The following PRPF38A variants were observed in gnomAD, a reference collection of about 807,000 sequenced individuals.
PRPF38A encodes pre-mRNA-splicing factor 38A.
In PRPF38A, 11 loss-of-function variants were observed where a neutral mutation model predicts 46.8. The ratio of observed to expected loss-of-function variants is 0.24; its 90% CI spans 0.15 to 0.39. PRPF38A has a LOEUF of 0.39. PRPF38A is among the 10% of genes least tolerant of loss of function. The pLI, the probability that PRPF38A is intolerant of heterozygous loss-of-function variation, is 1.00. For missense variants in PRPF38A, 261 were observed against 407.5 expected (o/e 0.64, Z 3.10); for synonymous variants, 124 against 136.2 (o/e 0.91, Z 0.62).
At chr1:52,415,161 A>G (rs1473702218) in intron 8 of PRPF38A, among the ~76,000 whole-genome samples, 177 bp from the exon 9 acceptor site, 4 of 152,236 alleles carry the variant, frequency 2.6e-5, no homozygotes, top group South Asian at 4.1e-4. Context: ...AACTGGTTTC[A>G]TTACTACTTT....
At position 52,417,957 on chromosome 1, in the gene PRPF38A, C is replaced by T. The variant is rs1236792337; in HGVS notation, c.*1267C>T. 1.3e-5 allele frequency: 2 copies of T among 152,552 alleles called. No homozygotes were observed. Among genetic ancestry groups the T allele is most frequent in the African/African-American group, 4.8e-5 (2 of 41,404 alleles). 9.4% of individuals were successfully genotyped at this position (152,552 alleles called of 1,614,324 possible). A position where few individuals can be genotyped will look rare whatever the true frequency, so the allele number is the denominator to read the frequency against. On this transcript the variant is annotated 3_prime_UTR_variant, in exon 10 of 10. Coordinates refer to ENST00000257181, the MANE Select transcript of PRPF38A (RefSeq NM_032864.4). ...AATCAAGAGATTATTAAGATCTTTG[C>T]TAGAAGAGTTCCTTTACCTGTACTT... is the stretch of plus-strand genomic sequence containing the variant.
Position 52,418,471 on chromosome 1 carries a change from A to G in PRPF38A, c.*1781A>G, listed in dbSNP as rs978583537. On this transcript the variant is annotated 3_prime_UTR_variant, in exon 10 of 10. Coordinates refer to ENST00000257181, the MANE Select transcript of PRPF38A (RefSeq NM_032864.4). ...TTTGTCTTAAAATATGTTTTAAAGT[A>G]AAAATAAACCCACGCACAAAGCCCA... 6 of 152,222 alleles carry G rather than the reference A, an allele frequency of 3.9e-5. No homozygotes were observed. Among genetic ancestry groups the G allele is most frequent in the African/African-American group, 1.4e-4 (6 of 41,452 alleles). The allele number at this position is 152,222 out of a possible 1,614,324, so 9.4% of individuals were successfully genotyped here. A position where few individuals can be genotyped will look rare whatever the true frequency, so the allele number is the denominator to read the frequency against.
At chr1:52,412,006 C>T (rs532265541) in intron 4 of PRPF38A, among the ~76,000 whole-genome samples, 6 of 152,288 alleles carry the variant, frequency 3.9e-5, no homozygotes, top group African/African-American at 1.4e-4. Flanking sequence ...TTTTTGAAAT[C>T]AGCTTTGCCT....
At chr1:52,407,945 A>G (rs550980138) in intron 2 of PRPF38A, among the ~76,000 whole-genome samples, 2 of 152,366 alleles carry the variant, frequency 1.3e-5, no homozygotes, top group Non-Finnish European at 2.9e-5. Context: ...AATCCCAGCT[A>G]CTTGGGAGGC....
chr1:52,408,936 C>T (rs1366510733), intron 3 of PRPF38A: 1 of 364,958 alleles, frequency 2.7e-6, no homozygotes, highest in Admixed American at 4.2e-5. Flanking sequence ...TAATCCCTGC[C>T]TTGCATCATA....
At chr1:52,406,763 A>G (rs916865581) in intron 2 of PRPF38A, among the ~76,000 whole-genome samples, 1 of 152,214 alleles carries the variant, frequency 6.6e-6, no homozygotes, top group African/African-American at 2.4e-5. Flanking sequence ...GGCTTTGCAT[A>G]TAATAATTCA....
intron 2 of PRPF38A, chr1:52,408,250 A>G: frequency 2.4e-6 from 1 of 409,938 alleles, no homozygotes; most frequent in South Asian, 1.9e-5. Flanking sequence ...AAAAAATAAA[A>G]TAAAATTCAG....
rs1648341754 is a variant in PRPF38A, at chr1:52,418,100, A to G, written c.*1410A>G. On this transcript the variant is annotated 3_prime_UTR_variant, in exon 10 of 10. Transcript: ENST00000257181. ...TTTTCTTGGGAGGTTGTATCTGGTC[A>G]TAAGGTAAACATTCTATATATTCTA... 1 of 152,668 alleles carries G rather than the reference A, an allele frequency of 6.6e-6. No homozygotes were observed. Among genetic ancestry groups the G allele is most frequent in the Admixed American group, 6.5e-5 (1 of 15,286 alleles). The allele number at this position is 152,668 out of a possible 1,614,324, so 9.5% of individuals were successfully genotyped here. A position where few individuals can be genotyped will look rare whatever the true frequency, so the allele number is the denominator to read the frequency against.
At chr1:52,405,229 G>A (rs757363031) in intron 1 of PRPF38A, among the ~76,000 whole-genome samples, 1 of 152,188 alleles carries the variant, frequency 6.6e-6, no homozygotes, top group Non-Finnish European at 1.5e-5. Context: ...TAATATGCCT[G>A]AAACCAAATT....
intron 8 of PRPF38A, 124 bp downstream of exon 8, chr1:52,414,983 A>T (rs1648250512): frequency 4.8e-6 from 4 of 841,142 alleles, no homozygotes; most frequent in Non-Finnish European, 7.5e-6. Flanking sequence ...TGGACATAGA[A>T]TTTGAAAATT....
chr1:52,414,581 T>C (rs377164758), intron 6 of PRPF38A, 40 bp from the exon 7 acceptor site: 39 of 1,611,214 alleles, frequency 2.4e-5, no homozygotes, highest in Admixed American at 3.3e-5. Context: ...CCACATCCAG[T>C]GCGCCAACCT....
chr1:52,406,931 C>T (rs749060755), intron 2 of PRPF38A, among the ~76,000 whole-genome samples: 2 of 152,302 alleles, frequency 1.3e-5, no homozygotes, highest in South Asian at 2.1e-4. Context: ...TTCTGCTTCT[C>T]GTACAAAGAA....
At chr1:52,407,328 A>G (rs148568899) in intron 2 of PRPF38A, among the ~76,000 whole-genome samples, 2 of 152,240 alleles carry the variant, frequency 1.3e-5, no homozygotes, top group African/African-American at 4.8e-5. Flanking sequence ...AACGACTCTA[A>G]TAAAGCATTA....
rs1303389996 is a variant in PRPF38A at position 52,410,442 on chromosome 1, CTT to C, written c.413-670_413-669del. Among the ~76,000 whole-genome samples the C allele has an allele frequency of 4.7e-5, 7 of 149,940 alleles. No individual in the cohort carries two copies. The East Asian group carries it at 7.8e-4, about 17-fold the overall frequency. ...CCTATGTAAAGTGAGGTTAATGATA[CTT>C]TTATATATATATAGATGTATATATA... is the stretch of plus-strand genomic sequence containing the variant. On this transcript the variant is annotated intron_variant, in intron 3 of 9. Coordinates refer to ENST00000257181, the MANE Select transcript of PRPF38A (RefSeq NM_032864.4).
intron 3 of PRPF38A, 187 bp downstream of exon 3, chr1:52,408,877 C>CT (rs1320294797): frequency 7.0e-6 from 4 of 570,988 alleles, no homozygotes; most frequent in Non-Finnish European, 1.2e-5. Flanking sequence ...TCGTGTTGGC[C>CT]TTACCCAGCC....
intron 5 of PRPF38A, among the ~76,000 whole-genome samples, chr1:52,413,492 C>T (rs903339684): frequency 6.6e-6 from 1 of 151,996 alleles, no homozygotes; most frequent in African/African-American, 2.4e-5. Flanking sequence ...GCCTCCCAGG[C>T]TCAAGCAGTC....
intron 1 of PRPF38A, 68 bp from the exon 2 acceptor site, chr1:52,405,612 G>A: frequency 6.7e-7 from 1 of 1,494,958 alleles, no homozygotes; most frequent in Admixed American, 1.8e-5. Context: ...ACCAAAGCTT[G>A]AACTAACTCC....
chr1:52,414,463 A>G (rs1197097084), intron 6 of PRPF38A, among the ~76,000 whole-genome samples, 158 bp from the exon 7 acceptor site: 1 of 152,200 alleles, frequency 6.6e-6, no homozygotes, highest in Non-Finnish European at 1.5e-5. Context: ...CACCAGTCCT[A>G]AAGTTAGAAT....
At chr1:52,415,930 C>T (rs1057099833) in intron 9 of PRPF38A, among the ~76,000 whole-genome samples, 4 of 150,718 alleles carry the variant, frequency 2.7e-5, no homozygotes, top group Non-Finnish European at 5.9e-5. Context: ...GCAAGCTCCA[C>T]CTCCTGGGCT....
Sources: allele counts gnomAD v4.1 joint callset (sites outside exome capture counted in the v4.1 genomes callset), GRCh38; gene constraint gnomAD v4.1.1; transcripts MANE v1.5; gene names NCBI Gene and HGNC (gene_info 2026-07-23, HGNC 2026-07-21).